USP34: variants seen among roughly 807,000 people sequenced by gnomAD.
USP34 encodes ubiquitin carboxyl-terminal hydrolase 34.
In USP34, 70 loss-of-function variants were observed where a neutral mutation model predicts 460.3. The observed-to-expected ratio is 0.15, with a 90% CI of 0.13 to 0.19. USP34 has a LOEUF of 0.19. Among genes scored for constraint, USP34 ranks in the 10% least tolerant of loss-of-function variants. USP34 has a pLI of 1.00. For synonymous variants in USP34, 1,647 were observed against 1,405.3 expected (o/e 1.17, Z -3.85); for missense variants, 3,985 against 4,236.2 (o/e 0.94, Z 1.65).
chr2:61,433,529 G>A (rs186376907), intron 1 of USP34, among the ~76,000 whole-genome samples: 1 of 152,238 alleles, frequency 6.6e-6, no homozygotes, highest in Admixed American at 6.5e-5. Flanking sequence ...AACTACTGAG[G>A]AGGCTGAGGC....
intron 8 of USP34, 53 bp downstream of exon 8, chr2:61,378,310 A>G (rs1285699141): frequency 1.5e-6 from 2 of 1,301,028 alleles, no homozygotes; most frequent in East Asian, 2.5e-5. Context: ...TACCATATAA[A>G]CAACTGTACA....
At chr2:61,297,310 T>C (rs1200118881) in intron 29 of USP34, among the ~76,000 whole-genome samples, 3 of 152,252 alleles carry the variant, frequency 2.0e-5, no homozygotes, top group East Asian at 1.9e-4. Context: ...ATTAAATCCT[T>C]GAACTTCCAT....
chr2:61,437,818 A>AAAT (rs1558594196), intron 1 of USP34, among the ~76,000 whole-genome samples: 1,003 of 76,308 alleles, frequency 0.013, 21 homozygotes, highest in Non-Finnish European at 0.013. Flanking sequence ...AATAAATAAA[A>AAAT]AACCTGAACA....
In USP34 at chr2:61,370,314, A is replaced by C. The variant is rs199950092; in HGVS notation, c.1251+7T>G. 1.9e-6 allele frequency: 3 copies of C among 1,612,950 alleles called. No individual in the cohort carries two copies. The highest frequency in any genetic ancestry group is 1.3e-5 in the African/African-American group (1 of 74,888). ...AGCACTCAATAAATGTGAGCTGTTA[A>C]TATTACCTGTGCTGCAGCCCAAATA... is the stretch of plus-strand genomic sequence containing the variant. On this transcript the variant is annotated splice_region_variant and intron_variant, in intron 10 of 79. Coordinates refer to ENST00000398571, the MANE Select transcript of USP34 (RefSeq NM_014709.4).
intron 5 of USP34, among the ~76,000 whole-genome samples, chr2:61,390,369 A>C (rs1693306037): frequency 6.6e-6 from 1 of 152,250 alleles, no homozygotes; most frequent in Non-Finnish European, 1.5e-5. Context: ...TTTGGGTCTC[A>C]GTGGAGAAAC....
At chr2:61,250,360 A>C (rs1406778775) in intron 48 of USP34, 1 of 168,068 alleles carries the variant, frequency 5.9e-6, no homozygotes, top group South Asian at 1.5e-4. Context: ...AGTTCCTCTC[A>C]TAAGGGCTTG....
chr2:61,365,856 TAAAA>T (rs1692420645), intron 10 of USP34, among the ~76,000 whole-genome samples: 2 of 152,138 alleles, frequency 1.3e-5, no homozygotes, highest in South Asian at 4.1e-4. Flanking sequence ...TACTTTATAA[TAAAA>T]AGAACAAATC....
intron 62 of USP34, among the ~76,000 whole-genome samples, chr2:61,225,787 C>A (rs1423265656): frequency 2.0e-5 from 3 of 152,134 alleles, no homozygotes; most frequent in Non-Finnish European, 4.4e-5. Flanking sequence ...GTTAAAGATA[C>A]CTTATTTAGT....
At chr2:61,335,605 C>T (rs1431348158) in intron 18 of USP34, among the ~76,000 whole-genome samples, 1 of 152,072 alleles carries the variant, frequency 6.6e-6, no homozygotes, top group Non-Finnish European at 1.5e-5. Context: ...AAAAATTAGC[C>T]ACCCATGATG....
chr2:61,409,309 G>A (rs1188074361), intron 2 of USP34, among the ~76,000 whole-genome samples: 1 of 152,212 alleles, frequency 6.6e-6, no homozygotes, highest in Non-Finnish European at 1.5e-5. Flanking sequence ...CACTTTGGGA[G>A]GCTGAGGCAG....
intron 74 of USP34, 73 bp downstream of exon 74, chr2:61,204,183 A>T: frequency 6.3e-7 from 1 of 1,598,008 alleles, no homozygotes; most frequent in South Asian, 1.1e-5. Flanking sequence ...TAACCTATTC[A>T]TAACTGCCAG....
At chr2:61,428,498 T>C (rs185341899) in intron 1 of USP34, among the ~76,000 whole-genome samples, 4 of 152,208 alleles carry the variant, frequency 2.6e-5, no homozygotes, top group Admixed American at 2.6e-4. Context: ...AACTATGACA[T>C]TAAGTGGCAC....
chr2:61,276,202 A>G (rs1689367511), intron 41 of USP34, among the ~76,000 whole-genome samples: 1 of 152,226 alleles, frequency 6.6e-6, no homozygotes, highest in Non-Finnish European at 1.5e-5. Context: ...CAGTGTGGCT[A>G]CAAGTGTAAA....
At chr2:61,359,219 A>G (rs541846765) in intron 10 of USP34, among the ~76,000 whole-genome samples, 10 of 152,362 alleles carry the variant, frequency 6.6e-5, no homozygotes, top group Admixed American at 5.9e-4. Context: ...ATTAAATAGT[A>G]TGGTACTGAC....
intron 1 of USP34, among the ~76,000 whole-genome samples, chr2:61,425,022 G>A (rs957198845): frequency 3.9e-5 from 6 of 152,066 alleles, no homozygotes; most frequent in South Asian, 2.1e-4. Flanking sequence ...GTTTCACCAC[G>A]TTGGCCAGGC....
intron 23 of USP34, among the ~76,000 whole-genome samples, chr2:61,316,027 C>G (rs1690733450): frequency 6.8e-6 from 1 of 147,786 alleles, no homozygotes; most frequent in Non-Finnish European, 1.5e-5. Context: ...CGGTGAAACC[C>G]TGTCTCTACT....
At chr2:61,451,007 C>T (rs1260414356) in intron 1 of USP34, among the ~76,000 whole-genome samples, 2 of 150,210 alleles carry the variant, frequency 1.3e-5, no homozygotes, top group South Asian at 2.1e-4. Flanking sequence ...ATCACGAGGT[C>T]AAGAGTTCAA....
At chr2:61,228,315 A>AT (rs1228624399) in intron 61 of USP34, among the ~76,000 whole-genome samples, 3 of 152,236 alleles carry the variant, frequency 2.0e-5, no homozygotes, top group Non-Finnish European at 4.4e-5. Context: ...CATAAACTTA[A>AT]TAGCAAAGAA....
intron 57 of USP34, 53 bp from the exon 58 acceptor site, chr2:61,232,585 T>A (rs1687938157): frequency 7.4e-7 from 1 of 1,359,838 alleles, no homozygotes. Context: ...ATTTGTTACA[T>A]GGGATAACAG....
Sources: allele counts gnomAD v4.1 joint callset (sites outside exome capture counted in the v4.1 genomes callset), GRCh38; gene constraint gnomAD v4.1.1; transcripts MANE v1.5; gene names NCBI Gene and HGNC (gene_info 2026-07-23, HGNC 2026-07-21).